The following EPPK1 variants were observed in gnomAD, a reference collection of about 807,000 sequenced individuals.
EPPK1 encodes the protein epiplakin 1, also known as epiplakin.
For synonymous variants in EPPK1, 1,862 were observed against 1,721.2 expected (o/e 1.08, Z -2.03); for missense variants, 3,823 against 3,673.3 (o/e 1.04, Z -1.05).
Position 143,871,204 on chromosome 8 carries a change from C to G in EPPK1, c.2050G>C (p.Ala684Pro). 1 of 1,613,254 alleles carries G rather than the reference C, an allele frequency of 6.2e-7. No individual in the cohort carries two copies. The highest frequency in any genetic ancestry group is 8.5e-7 in the Non-Finnish European group (1 of 1,180,028). Residue 684 changes from alanine to proline, a missense_variant, in exon 2 of 2, where the codon GCT (alanine) becomes CCT (proline). Physicochemically the swap from Ala to Pro is conservative, Grantham distance 27. Coordinates refer to ENST00000615648, the MANE Select transcript of EPPK1 (RefSeq NM_031308.4). Reference protein sequence around the residue: ...GPDVFAKLLSAERAVTGYTDP... With the variant: ...GPDVFAKLLSPERAVTGYTDP... ...GTGTAGCCAGTGACAGCGCGCTCAG[C>G]CGACAGCAGCTTCGCGAACACATCA...
At chr8:143,878,829 T>G (rs543019041), upstream of EPPK1, among the ~76,000 whole-genome samples, 9 of 151,978 alleles carry the variant, frequency 5.9e-5, no homozygotes, top group South Asian at 1.9e-3. Flanking sequence ...TGTCCCTGCC[T>G]CCAGCCCCGA....
In EPPK1 at chr8:143,869,259, G is replaced by A; in HGVS notation, c.3995C>T (p.Ser1332Phe). ...CTGCCACAGAGAGAGGGAGGCCCTA[G>A]AGTAGGGATCTGGGTACCCGGCCGC... The part of the protein sequence containing the change: ...RAAAGYPDPY[S>F]RASLSLWQAM... Residue 1332 changes from serine to phenylalanine, a missense_variant, in exon 2 of 2, where the codon TCT becomes TTT. By Grantham distance (155) the Ser-to-Phe change is radical (BLOSUM62 -2). Coordinates refer to ENST00000615648, the MANE Select transcript of EPPK1 (RefSeq NM_031308.4). 6.2e-7 allele frequency: 1 copy of A among 1,609,470 alleles called. No individual in the cohort carries two copies.
Position 143,870,613 on chromosome 8 carries a change from G to A in EPPK1, c.2641C>T (p.Pro881Ser), listed in dbSNP as rs1554660843. ...ACGGTGACCCGGCTCCGCAGTGCGG[G>A]CAGCATGATGTCCGCCTGTCTCTGC... ...ETQRQADIML[P>S]ALRSRVTVHQ... is the part of the protein sequence containing the mutation. Residue 881 changes from proline (P) to serine (S), a missense_variant, in exon 2 of 2, where the codon CCC becomes TCC. Pro to Ser is a moderately conservative substitution (Grantham distance 74). Transcript: ENST00000615648. The surrounding 1 kb of genome is among the most constrained non-coding windows in gnomAD (Gnocchi z 5.2). The A allele has an allele frequency of 1.2e-6, 2 of 1,606,860 alleles. No individual in the cohort carries two copies. The highest frequency in any genetic ancestry group is 1.1e-5 in the South Asian group (1 of 90,046).
chr8:143,878,012 T>A (rs1265451326), intron 1 of EPPK1, among the ~76,000 whole-genome samples: 3 of 151,846 alleles, frequency 2.0e-5, no homozygotes, highest in Non-Finnish European at 2.9e-5. Flanking sequence ...GAGTCACCCC[T>A]CTCAATTTGT....
Position 143,867,156 on chromosome 8 carries a change from C to T in EPPK1, c.6098G>A (p.Arg2033Gln), listed in dbSNP as rs527896611. Reference protein sequence around the residue: ...HRLPLETAYRRGCLHKDIYAL... With the variant: ...HRLPLETAYRQGCLHKDIYAL... Reference sequence around the variant, plus strand: ...ATAGATGTCCTTGTGCAGACAGCCCCGTCTGTAGGCTGTTTCCAGTGGGAG... The same window carrying T: ...ATAGATGTCCTTGTGCAGACAGCCCTGTCTGTAGGCTGTTTCCAGTGGGAG... The change falls in exon 2 of 2, where the codon CGG becomes CAG. Residue 2033 changes from arginine (R) to glutamine (Q), a missense_variant. Transcript: ENST00000615648. 24 of 1,612,766 alleles carry T rather than the reference C, an allele frequency of 1.5e-5. No individual in the cohort carries two copies. The highest frequency in any genetic ancestry group is 1.2e-4 in the African/African-American group (9 of 75,054).
Position 143,869,111 on chromosome 8 carries a change from T to G in EPPK1, c.4143A>C (p.Arg1381Ser), listed in dbSNP as rs782159217. Reference sequence around the variant, plus strand: ...TCGTCTGTGTGTCCAGAAGGCCGAGTCTGCAGGCTGCCGCCTGGGGCAGGT... The same window carrying G: ...TCGTCTGTGTGTCCAGAAGGCCGAGGCTGCAGGCTGCCGCCTGGGGCAGGT... Reference protein sequence around the residue: ...GVHLPQAAACRLGLLDTQTSQ... With the variant: ...GVHLPQAAACSLGLLDTQTSQ... The change falls in exon 2 of 2, where the codon AGA (arginine) becomes AGC (serine). Residue 1381 changes from arginine (R) to serine (S), a missense_variant. Transcript: ENST00000615648. The G allele has an allele frequency of 6.2e-7, 1 of 1,606,446 alleles. No individual in the cohort carries two copies.
chr8:143,876,930 GC>G (rs1443031096), intron 1 of EPPK1, among the ~76,000 whole-genome samples: 1 of 152,228 alleles, frequency 6.6e-6, no homozygotes, highest in African/African-American at 2.4e-5. Context: ...CCTTGGGCGG[GC>G]CCCTGACCTG....
In EPPK1 at chr8:143,868,006, G is replaced by A. The variant is rs782167614; in HGVS notation, c.5248C>T (p.Pro1750Ser). The A allele has an allele frequency of 1.2e-6, 2 of 1,613,574 alleles. No homozygotes were observed. The highest frequency in any genetic ancestry group is 2.7e-5 in the African/African-American group (2 of 74,916). ...LQLLERCVED[P>S]ETGLYLLQII... ...TGTAGCAGGTACAGGCCCGTCTCGG[G>A]GTCCTCCACACAGCGCTCCAGAAGC... Residue 1750 changes from proline (P) to serine (S), a missense_variant, in exon 2 of 2, where the codon CCC becomes TCC. Coordinates refer to ENST00000615648, the MANE Select transcript of EPPK1 (RefSeq NM_031308.4).
In EPPK1 at chr8:143,869,610, G is replaced by T. The variant is rs1174784001; in HGVS notation, c.3644C>A (p.Thr1215Asn). 6.3e-7 allele frequency: 1 copy of T among 1,575,768 alleles called. No individual in the cohort carries two copies. ...AVWLLDAGII[T>N]QETLEALAQG... The stretch of plus-strand genomic sequence containing the variant: ...AGCCAGGGCCTCAAGGGTCTCCTGG[G>T]TGATGATGCCAGCATCCAGCAGCCA... The change falls in exon 2 of 2, where the codon ACC (threonine) becomes AAC (asparagine). Residue 1215 changes from threonine (T) to asparagine (N), a missense_variant. Physicochemically the swap from Thr to Asn is moderately conservative, Grantham distance 65. Coordinates refer to ENST00000615648, the MANE Select transcript of EPPK1 (RefSeq NM_031308.4).
chr8:143,873,236 C>T lies in EPPK1; in HGVS notation c.18G>A (p.Leu6=). 1 of 1,567,642 alleles carries T rather than the reference C, an allele frequency of 6.4e-7. No homozygotes were observed. Among genetic ancestry groups the T allele is most frequent in the African/African-American group, 1.4e-5 (1 of 73,428 alleles). ...TGGTGCCTGGGACGGGAAGAGGAGGCAAGGTGTGGCCACTCATCACACACG... is the reference window on the plus strand; with the variant it reads ...TGGTGCCTGGGACGGGAAGAGGAGGTAAGGTGTGGCCACTCATCACACACG... The part of the protein sequence containing the change: MSGHT[L]PPLPVPGTNS... Residue 6 remains leucine (L), a synonymous_variant, in exon 2 of 2, where the codon TTG becomes TTA. Transcript: ENST00000615648.
At position 143,868,110 on chromosome 8, in the gene EPPK1, T is replaced by G. The variant is rs782797340; in HGVS notation, c.5144A>C (p.Asn1715Thr). 6.2e-7 allele frequency: 1 copy of G among 1,613,300 alleles called. No homozygotes were observed. The highest frequency in any genetic ancestry group is 8.5e-7 in the Non-Finnish European group (1 of 1,180,012). ...GTCGCTGGGGTCCGCCAGGATGCGG[T>G]TCATCTCCTCGTCGAAGTAGCCGCA... ...YRCGYFDEEMNRILADPSDDT... is the reference protein window; with the variant it reads ...YRCGYFDEEMTRILADPSDDT... Residue 1715 changes from asparagine (N) to threonine (T), a missense_variant, in exon 2 of 2, where the codon AAC (asparagine) becomes ACC (threonine). Coordinates refer to ENST00000615648, the MANE Select transcript of EPPK1 (RefSeq NM_031308.4).
rs1273860399 is a variant in EPPK1, at chr8:143,866,348, C to T, written c.6906G>A (p.Ser2302=). 2.6e-5 allele frequency: 18 copies of T among 683,496 alleles called. No individual in the cohort carries two copies. Among genetic ancestry groups the T allele is most frequent in the East Asian group, 5.7e-5 (2 of 35,314 alleles). The allele number at this position is 683,496 out of a possible 1,614,324, so 42.3% of individuals were successfully genotyped here. A position where few individuals can be genotyped will look rare whatever the true frequency, so the allele number is the denominator to read the frequency against. ...VGGEIQEKLL[S]AERAVTGYTD... Reference sequence around the variant, plus strand: ...TGTAGCCGGTGACGGCGCGCTCGGCCGACAGCAGCTTCTCCTGGATCTCGC... The same window carrying T: ...TGTAGCCGGTGACGGCGCGCTCGGCTGACAGCAGCTTCTCCTGGATCTCGC... Residue 2302 remains serine (S), a synonymous_variant, in exon 2 of 2, where the codon TCG becomes TCA. Transcript: ENST00000615648.
In EPPK1 at chr8:143,866,684, G is replaced by T. The variant is rs573789694; in HGVS notation, c.6570C>A (p.Ala2190=). The change falls in exon 2 of 2, where the codon GCC becomes GCA. Residue 2190 remains alanine, a synonymous_variant. Transcript: ENST00000615648. The part of the protein sequence containing the change: ...QITASELLSS[A]IITEEMLQDL... Reference sequence around the variant, plus strand: ...CCTGGAGCATTTCCTCCGTGATTATGGCTGAGCTGAGGAGTTCAGAAGCTG... The same window carrying T: ...CCTGGAGCATTTCCTCCGTGATTATTGCTGAGCTGAGGAGTTCAGAAGCTG... The T allele has an allele frequency of 3.1e-6, 5 of 1,613,154 alleles. No homozygotes were observed. Among genetic ancestry groups the T allele is most frequent in the Non-Finnish European group, 4.2e-6 (5 of 1,179,886 alleles).
In EPPK1 at chr8:143,871,971, G is replaced by A; in HGVS notation, c.1283C>T (p.Thr428Ile). The A allele has an allele frequency of 6.3e-7, 1 of 1,595,416 alleles. No homozygotes were observed. Among genetic ancestry groups the A allele is most frequent in the East Asian group, 2.2e-5 (1 of 44,636 alleles). ...GCCAGCCTGCGAGAGCTGCCGCTGA[G>A]TGTCTTCATCCAGGCAGCCGCAGCG... ...ALRCGCLDEDTQRQLSQAGSF... is the reference protein window; with the variant it reads ...ALRCGCLDEDIQRQLSQAGSF... Residue 428 changes from threonine (T) to isoleucine (I), a missense_variant, in exon 2 of 2, where the codon ACT (threonine) becomes ATT (isoleucine). Transcript: ENST00000615648.
At position 143,868,211 on chromosome 8, in the gene EPPK1, C is replaced by T; in HGVS notation, c.5043G>A (p.Leu1681=). The change falls in exon 2 of 2, where the codon CTG becomes CTA. Residue 1681 remains leucine, a synonymous_variant. Transcript: ENST00000615648. ...LIVREHGIRL[L]EAQIATGGII... Reference sequence around the variant, plus strand: ...TGCCGCCCGTGGCGATCTGGGCCTCCAGCAGGCGGATGCCGTGCTCCCGGA... The same window carrying T: ...TGCCGCCCGTGGCGATCTGGGCCTCTAGCAGGCGGATGCCGTGCTCCCGGA... 4 of 1,613,172 alleles carry T rather than the reference C, an allele frequency of 2.5e-6. No individual in the cohort carries two copies. Among genetic ancestry groups the T allele is most frequent in the South Asian group, 2.2e-5 (2 of 91,080 alleles).
chr8:143,869,568 G>A lies in EPPK1; in HGVS notation c.3686C>T (p.Pro1229Leu), dbSNP rs1437133532. The A allele has an allele frequency of 6.4e-7, 1 of 1,559,968 alleles. No homozygotes were observed. The highest frequency in any genetic ancestry group is 8.7e-7 in the Non-Finnish European group (1 of 1,154,168). Residue 1229 changes from proline to leucine, a missense_variant, in exon 2 of 2, where the codon CCC becomes CTC. Coordinates refer to ENST00000615648, the MANE Select transcript of EPPK1 (RefSeq NM_031308.4). Reference protein sequence around the residue: ...LEALAQGTQSPAQVAEQPAVK... With the variant: ...LEALAQGTQSLAQVAEQPAVK... ...CGCCGGCTGCTCGGCGACCTGGGCGGGCGACTGCGTGCCCTGAGCCAGGGC... is the reference window on the plus strand; with the variant it reads ...CGCCGGCTGCTCGGCGACCTGGGCGAGCGACTGCGTGCCCTGAGCCAGGGC...
intron 1 of EPPK1, 25 bp downstream of exon 1, chr8:143,878,413 G>GCCGCACCTGCCCGCACCCGCCGCACCTGC (rs1554662626): frequency 1.1e-5 from 1 of 92,146 alleles, no homozygotes; most frequent in African/African-American, 4.7e-5. Flanking sequence ...CGCCGCACCC[G>GCCGCACCTGCCCGCACCCGCCGCACCTGC]CCGCACCCGC....
At chr8:143,878,997 C>G (rs559576683), upstream of EPPK1, among the ~76,000 whole-genome samples, 8 of 152,168 alleles carry the variant, frequency 5.3e-5, no homozygotes, top group Admixed American at 2.6e-4. Context: ...CCTCACCCCC[C>G]GGTCTGGCTC....
At chr8:143,876,782 C>T (rs1419901208) in intron 1 of EPPK1, among the ~76,000 whole-genome samples, 1 of 152,200 alleles carries the variant, frequency 6.6e-6, no homozygotes, top group Non-Finnish European at 1.5e-5. Flanking sequence ...CCTGCCCTGT[C>T]CCCTGACATC....
Sources: allele counts gnomAD v4.1 joint callset (sites outside exome capture counted in the v4.1 genomes callset), GRCh38; gene constraint gnomAD v4.1.1; non-coding constraint Gnocchi (gnomAD v3.1); transcripts MANE v1.5; gene names NCBI Gene and HGNC (gene_info 2026-07-23, HGNC 2026-07-21).